Variants in SFMBT2 observed in about 807,000 individuals in gnomAD.
The protein encoded by SFMBT2 is Scm like with four mbt domains 2, also known as scm-like with four MBT domains protein 2.
SFMBT2 carries 38 observed loss-of-function variants against 110.1 expected under a neutral mutation model. The ratio of observed to expected loss-of-function variants is 0.35; its 90% CI spans 0.27 to 0.45. The LOEUF is 0.45. Ranked by LOEUF, SFMBT2 falls within the 20% of genes least tolerant of loss-of-function variation. SFMBT2 has a pLI of 1.00. For synonymous variants in SFMBT2, 425 were observed against 425.4 expected, an observed-to-expected ratio of 1.00 and a Z score of 0.01; for missense variants, 1,011 against 1,094.9, an observed-to-expected ratio of 0.92 and a Z score of 1.08.
intron 12 of SFMBT2, chr10:7,203,004 T>G (rs2131606261): frequency 2.0e-6 from 2 of 985,442 alleles, no homozygotes; most frequent in East Asian, 2.3e-4. Flanking sequence ...CAAATACGCC[T>G]GGTCAAATAT....
intron 2 of SFMBT2, among the ~76,000 whole-genome samples, chr10:7,374,957 C>A (rs1416488498): frequency 2.6e-5 from 4 of 152,136 alleles, no homozygotes; most frequent in Admixed American, 2.6e-4. Flanking sequence ...GTCTCATAAA[C>A]CCAGAGCAAA....
At chr10:7,348,250 T>C in intron 4 of SFMBT2, 1 of 1,487,214 alleles carries the variant, frequency 6.7e-7, no homozygotes, top group Non-Finnish European at 9.0e-7. Context: ...TTGTTTCATT[T>C]CGTGACGGTC....
In SFMBT2 at chr10:7,171,963, C is replaced by A; in HGVS notation, c.2347G>T (p.Gly783Trp). The change falls in exon 19 of 21, where the codon GGG becomes TGG. Residue 783 changes from glycine (G) to tryptophan (W), a missense_variant. Physicochemically the swap from Gly to Trp is radical, Grantham distance 184. Around this residue, in one of 2 missense-constraint regions of SFMBT2, gnomAD observed 979 missense variants for 1,016.1 expected, o/e 0.96. Coordinates refer to ENST00000397167, the MANE Select transcript of SFMBT2 (RefSeq NM_001387889.1). The surrounding 1 kb of genome is among the most constrained non-coding windows in gnomAD (Gnocchi z 4.9). Reference protein sequence around the residue: ...PPPERTRRGRGAPAASSAEEG... With the variant: ...PPPERTRRGRWAPAASSAEEG... The stretch of plus-strand genomic sequence containing the variant: ...TCTGCTGAGGAGGCAGCCGGCGCCC[C>A]GCGGCCCCTTCGTGTCCTCTCTGGG... 6.7e-7 allele frequency: 1 copy of A among 1,495,112 alleles called. No homozygotes were observed. The allele number at this position is 1,495,112 out of a possible 1,614,324, so 92.6% of individuals were successfully genotyped here.
At chr10:7,254,878 G>A (rs1034597983) in intron 7 of SFMBT2, among the ~76,000 whole-genome samples, 1 of 152,100 alleles carries the variant, frequency 6.6e-6, no homozygotes, top group Non-Finnish European at 1.5e-5. Flanking sequence ...TGGAGACTGG[G>A]CTCTGGATAC....
In SFMBT2 at chr10:7,170,005, C is replaced by A. The variant is rs1392129014; in HGVS notation, c.2544+923G>T. On this transcript the variant is annotated intron_variant, in intron 20 of 20. Coordinates refer to ENST00000397167, the MANE Select transcript of SFMBT2 (RefSeq NM_001387889.1). This position sits in a 1 kb window ranked among gnomAD's most constrained non-coding sequence, Gnocchi z 4.6. ...ACAATGACGAAAGCAGCATTCAGTA[C>A]GACACACCAGCCAGCGGGCTTCTGC... Among the ~76,000 whole-genome samples, 4 of 152,150 alleles carry A rather than the reference C, an allele frequency of 2.6e-5. No individual in the cohort carries two copies. The highest frequency in any genetic ancestry group is 6.5e-5 in the Admixed American group (1 of 15,274).
At chr10:7,290,009 A>G (rs1186112909) in intron 4 of SFMBT2, among the ~76,000 whole-genome samples, 1 of 152,222 alleles carries the variant, frequency 6.6e-6, no homozygotes. Flanking sequence ...CTCAGCTGTA[A>G]GCCAAATCCT....
chr10:7,204,213 T>A (rs1362791126), intron 12 of SFMBT2: 1 of 414,790 alleles, frequency 2.4e-6, no homozygotes, highest in Non-Finnish European at 3.2e-6. Context: ...AACTACCTGC[T>A]TGTTTCACAC....
intron 15 of SFMBT2, among the ~76,000 whole-genome samples, chr10:7,195,679 G>A (rs939684723): frequency 3.9e-5 from 6 of 152,112 alleles, no homozygotes; most frequent in Non-Finnish European, 8.8e-5. Context: ...AGATGCCCCA[G>A]CCTTGTTCCT....
intron 1 of SFMBT2, among the ~76,000 whole-genome samples, chr10:7,395,975 G>A (rs981726908): frequency 6.6e-5 from 10 of 152,108 alleles, no homozygotes; most frequent in African/African-American, 1.7e-4. Context: ...TGGCTCACAC[G>A]TGTAATCCCA....
chr10:7,346,503 C>A (rs190017255), intron 4 of SFMBT2, among the ~76,000 whole-genome samples: 37 of 152,134 alleles, frequency 2.4e-4, no homozygotes, highest in African/African-American at 8.4e-4. Context: ...AAAGTGCATC[C>A]CCTATTCCAT....
intron 6 of SFMBT2, among the ~76,000 whole-genome samples, chr10:7,278,974 G>A (rs1038000276): frequency 2.6e-5 from 4 of 151,798 alleles, no homozygotes; most frequent in East Asian, 1.9e-4. Context: ...GGTGGCAGGC[G>A]TCTGTAATAC....
intron 1 of SFMBT2, among the ~76,000 whole-genome samples, chr10:7,397,949 G>C (rs932860411): frequency 3.3e-5 from 5 of 152,186 alleles, no homozygotes; most frequent in Admixed American, 2.6e-4. Flanking sequence ...TGATTGTTCG[G>C]GGCAGGAGTT....
At chr10:7,397,823 C>T (rs1042325721) in intron 1 of SFMBT2, among the ~76,000 whole-genome samples, 1 of 152,206 alleles carries the variant, frequency 6.6e-6, no homozygotes, top group Non-Finnish European at 1.5e-5. Flanking sequence ...TATACTCGCC[C>T]CGTCAGCCGG....
At chr10:7,285,448 A>G (rs945267991) in intron 5 of SFMBT2, 1 of 153,086 alleles carries the variant, frequency 6.5e-6, no homozygotes, top group Non-Finnish European at 1.5e-5. Context: ...TCAAAATAGA[A>G]CATTTAATGG....
intron 10 of SFMBT2, among the ~76,000 whole-genome samples, chr10:7,221,343 G>C (rs1839730408): frequency 6.6e-6 from 1 of 151,806 alleles, no homozygotes; most frequent in Non-Finnish European, 1.5e-5. Context: ...GAGGCAGGTG[G>C]ATCACTTGAG....
intron 4 of SFMBT2, among the ~76,000 whole-genome samples, chr10:7,315,108 G>GAAAGAA (rs1220664160): frequency 7.5e-6 from 1 of 132,732 alleles, no homozygotes; most frequent in Non-Finnish European, 1.8e-5. Context: ...AAGAAAGAAA[G>GAAAGAA]AAAAAGCAAG....
chr10:7,337,802 G>C (rs1458170088), intron 4 of SFMBT2, among the ~76,000 whole-genome samples: 2 of 152,130 alleles, frequency 1.3e-5, no homozygotes, highest in Non-Finnish European at 2.9e-5. Context: ...ACCTGCCCTG[G>C]AATCAACTGA....
rs183312312 is a variant in SFMBT2 at position 7,244,576 on chromosome 10, G to A, written c.973-871C>T. Among the ~76,000 whole-genome samples, 254 of 152,264 alleles carry A rather than the reference G, an allele frequency of 1.7e-3. 3 individuals carry two copies. Among genetic ancestry groups the A allele is most frequent in the African/African-American group, 5.8e-3 (240 of 41,572 alleles). On this transcript the variant is annotated intron_variant, in intron 8 of 20. Transcript: ENST00000397167. Reference sequence around the variant, plus strand: ...TGAAGAAATAAGAACAAGACATGCCGATAAACAAAGCAGAGGGTAAAAATC... The same window carrying A: ...TGAAGAAATAAGAACAAGACATGCCAATAAACAAAGCAGAGGGTAAAAATC...
chr10:7,208,686 CAAA>C (rs5782957), intron 11 of SFMBT2, among the ~76,000 whole-genome samples: 8,933 of 140,128 alleles, frequency 0.064, 356 homozygotes, highest in Non-Finnish European at 0.088. Context: ...AATTCCATCT[CAAA>C]AAAAAAAAAA....
Sources: gnomAD v4.1 joint callset for allele counts (sites outside exome capture counted in the v4.1 genomes callset) on GRCh38, gnomAD v4.1.1 for gene constraint, gnomAD v4.1.1 regional missense constraint, Gnocchi (gnomAD v3.1) non-coding constraint, MANE v1.5 for transcripts, NCBI Gene and HGNC (gene_info 2026-07-23, HGNC 2026-07-21) for gene names.